PPP3CA: variants seen among roughly 807,000 people sequenced by gnomAD.
The protein encoded by PPP3CA is CAM-PRP catalytic subunit.
A neutral mutation model predicts 66.5 loss-of-function variants in PPP3CA; 14 were observed. The ratio of observed to expected loss-of-function variants is 0.21; its 90% CI spans 0.14 to 0.33. PPP3CA has a LOEUF of 0.33. Ranked by LOEUF, PPP3CA falls within the 10% of genes least tolerant of loss-of-function variation. The pLI, the probability that PPP3CA is intolerant of heterozygous loss-of-function variation, is 1.00. For missense variants in PPP3CA, 317 were observed against 639.5 expected (o/e 0.50, Z 5.44); for synonymous variants, 232 against 226.2 (o/e 1.03, Z -0.23).
intron 10 of PPP3CA, among the ~76,000 whole-genome samples, chr4:101,060,325 C>T (rs1728406822): frequency 6.6e-6 from 1 of 152,062 alleles, no homozygotes; most frequent in South Asian, 2.1e-4. Flanking sequence ...AGTGATCTGC[C>T]TCAGCCTATC....
At chr4:101,275,677 T>G (rs936230809) in intron 1 of PPP3CA, among the ~76,000 whole-genome samples, 2 of 152,184 alleles carry the variant, frequency 1.3e-5, no homozygotes, top group Non-Finnish European at 2.9e-5. Flanking sequence ...TCACATTTTC[T>G]TCAGAACAAA....
chr4:101,199,858 A>T (rs1724915157), intron 1 of PPP3CA, among the ~76,000 whole-genome samples: 1 of 152,212 alleles, frequency 6.6e-6, no homozygotes, highest in African/African-American at 2.4e-5. Context: ...TATGAACCAA[A>T]CTCATATGCT....
chr4:101,209,090 G>C (rs1725225898), intron 1 of PPP3CA, among the ~76,000 whole-genome samples: 1 of 152,188 alleles, frequency 6.6e-6, no homozygotes. Context: ...AATAGCTCAT[G>C]ATTTTTGAGA....
chr4:101,297,301 G>T (rs1728227694), intron 1 of PPP3CA, among the ~76,000 whole-genome samples: 1 of 152,190 alleles, frequency 6.6e-6, no homozygotes, highest in African/African-American at 2.4e-5. Flanking sequence ...CTAGCACGTA[G>T]TAAGTATAAG....
chr4:101,225,333 C>T (rs533130628), intron 1 of PPP3CA, among the ~76,000 whole-genome samples: 1 of 151,758 alleles, frequency 6.6e-6, no homozygotes, highest in South Asian at 2.1e-4. Context: ...TTAAAAAGGG[C>T]TCAACAAATA....
intron 8 of PPP3CA, among the ~76,000 whole-genome samples, chr4:101,063,876 C>T (rs1244678945): frequency 6.6e-6 from 1 of 151,774 alleles, no homozygotes; most frequent in Non-Finnish European, 1.5e-5. Flanking sequence ...TTATGGGGTG[C>T]ATAGTGATGT....
chr4:101,293,468 C>T (rs1728096747), intron 1 of PPP3CA, among the ~76,000 whole-genome samples: 1 of 152,202 alleles, frequency 6.6e-6, no homozygotes. Context: ...GTCACTTTCT[C>T]TTTGATGTTT....
intron 1 of PPP3CA, among the ~76,000 whole-genome samples, chr4:101,299,122 T>G (rs1371410494): frequency 4.1e-5 from 6 of 146,088 alleles, no homozygotes; most frequent in East Asian, 3.9e-4. Flanking sequence ...TTTTTTTTTT[T>G]TTTTTTTTTT....
intron 10 of PPP3CA, among the ~76,000 whole-genome samples, chr4:101,056,226 G>C (rs1298450682): frequency 2.0e-5 from 3 of 152,266 alleles, no homozygotes; most frequent in African/African-American, 7.2e-5. Flanking sequence ...TCAATAGGCT[G>C]TTTTGAGGAT....
chr4:101,161,410 A>G (rs1269831993), intron 2 of PPP3CA, among the ~76,000 whole-genome samples: 1 of 152,160 alleles, frequency 6.6e-6, no homozygotes, highest in Non-Finnish European at 1.5e-5. Context: ...GTAATATGGT[A>G]TAATACATTA....
chr4:101,083,048 C>T, intron 7 of PPP3CA, 138 bp downstream of exon 7: 1 of 528,482 alleles, frequency 1.9e-6, no homozygotes, highest in Non-Finnish European at 3.1e-6. Context: ...CCTGTGTCAT[C>T]CATCAGAAGA....
intron 1 of PPP3CA, among the ~76,000 whole-genome samples, chr4:101,345,797 CG>C (rs1478854713): frequency 1.3e-5 from 2 of 152,148 alleles, no homozygotes; most frequent in Non-Finnish European, 2.9e-5. Context: ...TTTATCATCC[CG>C]TAGGCGGCGA....
chr4:101,041,619 G>A (rs974503753), intron 10 of PPP3CA, among the ~76,000 whole-genome samples: 2 of 151,690 alleles, frequency 1.3e-5, no homozygotes, highest in African/African-American at 2.4e-5. Context: ...ATTTTTAGTA[G>A]AGACAGGCTT....
At chr4:101,150,593 G>A (rs769406011) in intron 2 of PPP3CA, among the ~76,000 whole-genome samples, 2 of 152,140 alleles carry the variant, frequency 1.3e-5, no homozygotes, top group Non-Finnish European at 2.9e-5. Context: ...TGGTATGACA[G>A]TTGTAATCTT....
intron 13 of PPP3CA, 44 bp from the exon 14 acceptor site, chr4:101,026,105 A>C (rs1190904716): frequency 6.8e-7 from 1 of 1,475,984 alleles, no homozygotes; most frequent in East Asian, 2.3e-5. Context: ...GATTATCCAA[A>C]GGAAAACAAA....
intron 1 of PPP3CA, among the ~76,000 whole-genome samples, chr4:101,210,067 T>C (rs1481095999): frequency 6.6e-6 from 1 of 152,158 alleles, no homozygotes; most frequent in Non-Finnish European, 1.5e-5. Context: ...AAGGCCATAA[T>C]TTAATAGATT....
chr4:101,303,437 T>C (rs1332654850), intron 1 of PPP3CA, among the ~76,000 whole-genome samples: 1 of 152,186 alleles, frequency 6.6e-6, no homozygotes, highest in Non-Finnish European at 1.5e-5. Flanking sequence ...TATATTTATA[T>C]GTACCTACAT....
At chr4:101,295,635 A>G (rs1236118833) in intron 1 of PPP3CA, among the ~76,000 whole-genome samples, 1 of 152,222 alleles carries the variant, frequency 6.6e-6, no homozygotes, top group African/African-American at 2.4e-5. Context: ...TGGTATTATT[A>G]CTTTGCTTCA....
rs118146193 is a variant in PPP3CA at position 101,096,754 on chromosome 4, A to G, written c.642+1613T>C. Among the ~76,000 whole-genome samples the G allele has an allele frequency of 1.8e-4, 27 of 152,316 alleles. No homozygotes were observed. The East Asian group carries it at 5.2e-3, about 29-fold the overall frequency. On this transcript the variant is annotated intron_variant, in intron 5 of 13. Transcript: ENST00000394854. ...TTTCATTTTCCAAACCTATTTCAAT[A>G]AGTGGTTATCAGGTTAATATGATAC...
Sources: allele counts gnomAD v4.1 joint callset (sites outside exome capture counted in the v4.1 genomes callset), GRCh38; gene constraint gnomAD v4.1.1; transcripts MANE v1.5; gene names NCBI Gene and HGNC (gene_info 2026-07-23, HGNC 2026-07-21).